The following MYH10 variants were observed in gnomAD, a reference collection of about 807,000 sequenced individuals.
The protein encoded by MYH10 is myosin heavy chain 10.
MYH10 carries 55 observed loss-of-function variants against 257.8 expected under a neutral mutation model. The ratio of observed to expected loss-of-function variants is 0.21; its 90% CI spans 0.17 to 0.27. The LOEUF (loss-of-function observed/expected upper bound fraction) is 0.27. MYH10 is among the 10% of genes least tolerant of loss of function. The probability of loss-of-function intolerance (pLI) is 1.00; values close to 1 mark genes in which losing one functional copy is unlikely to be tolerated. For synonymous variants in MYH10, 854 were observed against 921.7 expected (o/e 0.93, Z 1.33); for missense variants, 1,631 against 2,500.6 (o/e 0.65, Z 7.42).
At chr17:8,549,682 T>C (rs2082558050) in intron 9 of MYH10, among the ~76,000 whole-genome samples, 1 of 152,194 alleles carries the variant, frequency 6.6e-6, no homozygotes, top group South Asian at 2.1e-4. Flanking sequence ...ACTTTGATCA[T>C]TTTAAAGAAT....
chr17:8,559,574 G>C (rs1036155620), intron 7 of MYH10, among the ~76,000 whole-genome samples: 8 of 151,850 alleles, frequency 5.3e-5, no homozygotes, highest in African/African-American at 1.5e-4. Flanking sequence ...ACTATTTCAA[G>C]ACACAGAAAC....
At chr17:8,485,568 AAGAG>A (rs1381278905) in intron 36 of MYH10, among the ~76,000 whole-genome samples, 1 of 152,142 alleles carries the variant, frequency 6.6e-6, no homozygotes, top group Non-Finnish European at 1.5e-5. Context: ...CAATAATTAA[AAGAG>A]AGCTCAGCTG....
intron 34 of MYH10, among the ~76,000 whole-genome samples, chr17:8,491,028 G>A (rs1001093132): frequency 3.3e-5 from 5 of 152,326 alleles, no homozygotes; most frequent in Middle Eastern, 3.4e-3. Context: ...ACAGTACACA[G>A]GCCTTGATCT....
At chr17:8,595,959 A>C (rs1365072091) in intron 3 of MYH10, among the ~76,000 whole-genome samples, 2 of 152,152 alleles carry the variant, frequency 1.3e-5, no homozygotes, top group Non-Finnish European at 1.5e-5. Flanking sequence ...AAGTGACTTT[A>C]GACTATGCTT....
Position 8,487,594 on chromosome 17 carries a change from C to T in MYH10, c.4885G>A (p.Val1629Met). 2 of 1,614,200 alleles carry T rather than the reference C, an allele frequency of 1.2e-6. No individual in the cohort carries two copies. Among genetic ancestry groups the T allele is most frequent in the Non-Finnish European group, 1.7e-6 (2 of 1,180,050 alleles). Residue 1629 changes from valine (V) to methionine (M), a missense_variant and splice_region_variant, in exon 36 of 43, where the codon GTG (valine) becomes ATG (methionine). By Grantham distance (21) the Val-to-Met change is conservative (BLOSUM62 1). Coordinates refer to ENST00000360416, the MANE Select transcript of MYH10 (RefSeq NM_001256012.3). The part of the protein sequence containing the change: ...EEKKRLLIKQ[V>M]RELEAELEDE... The stretch of plus-strand genomic sequence containing the variant: ...TCCAGCTCCGCCTCGAGCTCCCGCA[C>T]CTAATGGACAACATCGGGTTATGCT...
Position 8,480,525 on chromosome 17 carries a change from C to T in MYH10, c.5265G>A (p.Lys1755=), listed in dbSNP as rs145272459. 6 of 1,606,652 alleles carry T rather than the reference C, an allele frequency of 3.7e-6. No homozygotes were observed. Among genetic ancestry groups the T allele is most frequent in the Non-Finnish European group, 5.1e-6 (6 of 1,179,806 alleles). The part of the protein sequence containing the change: ...ADEITNSASG[K]SALLDEKRRL... ...GCCGCTTCTCATCCAGCAGCGCGGA[C>T]CTGGCGGGGAGAGGAGGAGGGGACG... Residue 1755 remains lysine, a splice_region_variant and synonymous_variant, in exon 39 of 43, where the codon AAG becomes AAA. Coordinates refer to ENST00000360416, the MANE Select transcript of MYH10 (RefSeq NM_001256012.3).
In MYH10 at chr17:8,490,468, G is replaced by A. The variant is rs1035518723; in HGVS notation, c.4756C>T (p.Leu1586Phe). ...RTQLEELEDE[L>F]QATEDAKLRL... ...AGCTTGGCATCTTCCGTGGCCTGGAGTTCGTCTTCCAGCTCCTCCAGCTGG... is the reference window on the plus strand; with the variant it reads ...AGCTTGGCATCTTCCGTGGCCTGGAATTCGTCTTCCAGCTCCTCCAGCTGG... Residue 1586 changes from leucine (L) to phenylalanine (F), a missense_variant, in exon 35 of 43, where the codon CTC (leucine) becomes TTC (phenylalanine). Transcript: ENST00000360416. This position sits in a 1 kb window ranked among gnomAD's most constrained non-coding sequence, Gnocchi z 4.1. 2 of 1,614,098 alleles carry A rather than the reference G, an allele frequency of 1.2e-6. No homozygotes were observed. Among genetic ancestry groups the A allele is most frequent in the East Asian group, 2.2e-5 (1 of 44,900 alleles).
chr17:8,538,065 T>G (rs771370264), intron 14 of MYH10, among the ~76,000 whole-genome samples: 1 of 152,226 alleles, frequency 6.6e-6, no homozygotes, highest in Admixed American at 6.5e-5. Context: ...GCATTTTCCT[T>G]CTAGAAAGTA....
chr17:8,477,147 C>T lies in MYH10; in HGVS notation c.5707-99G>A, dbSNP rs1912806953. The T allele has an allele frequency of 1.4e-6, 2 of 1,403,086 alleles. No individual in the cohort carries two copies. The highest frequency in any genetic ancestry group is 2.0e-6 in the Non-Finnish European group (2 of 1,016,470). The allele number at this position is 1,403,086 out of a possible 1,614,324, so 86.9% of individuals were successfully genotyped here. On this transcript the variant is annotated intron_variant, in intron 41 of 42. Transcript: ENST00000360416. This position sits in a 1 kb window ranked among gnomAD's most constrained non-coding sequence, Gnocchi z 4.2. Reference sequence around the variant, plus strand: ...GGCAGTGTGGGGCTCTGCCTGTTACCCTTGTGAGCACGCGTGTACACGGAT... The same window carrying T: ...GGCAGTGTGGGGCTCTGCCTGTTACTCTTGTGAGCACGCGTGTACACGGAT...
At chr17:8,481,446 A>G in intron 37 of MYH10, 36 bp from the exon 38 acceptor site, 5 of 1,594,464 alleles carry the variant, frequency 3.1e-6, no homozygotes, top group Non-Finnish European at 4.3e-6. Context: ...TCTGGCTGTG[A>G]ATAGTTTCCT....
chr17:8,561,250 C>T, intron 7 of MYH10: 2 of 922,398 alleles, frequency 2.2e-6, no homozygotes. Context: ...AAAGAAGGAA[C>T]AAAGGTCGTG....
chr17:8,595,982 T>C (rs413561), intron 3 of MYH10, among the ~76,000 whole-genome samples: 147,708 of 152,248 alleles, frequency 0.97, 71,824 homozygotes, highest in Middle Eastern at 1. Flanking sequence ...TTTTTGTATG[T>C]ATTTGGCTGA....
intron 7 of MYH10, among the ~76,000 whole-genome samples, chr17:8,566,473 C>G (rs942600538): frequency 2.6e-5 from 4 of 152,116 alleles, no homozygotes; most frequent in African/African-American, 7.2e-5. Flanking sequence ...TCAAGGAGCC[C>G]TATGGAGAGG....
rs72841802 is a variant in MYH10, at chr17:8,478,334, G to A, written c.5706+4C>T. On this transcript the variant is annotated splice_donor_region_variant and intron_variant, in intron 41 of 42. Coordinates refer to ENST00000360416, the MANE Select transcript of MYH10 (RefSeq NM_001256012.3). ...GCTTCCCAGGGAGGCACTTCCTCGC[G>A]TACCTGCTCTTTATACTGGTCCGCG... is the stretch of plus-strand genomic sequence containing the variant. 8.0e-3 allele frequency: 12,876 copies of A among 1,613,134 alleles called. 60 individuals carry two copies. Among genetic ancestry groups the A allele is most frequent in the Non-Finnish European group, 9.8e-3 (11,596 of 1,179,288 alleles).
rs1913034090 is a variant in MYH10, at chr17:8,478,261, G to A, written c.5706+77C>T. On this transcript the variant is annotated intron_variant, in intron 41 of 42. Coordinates refer to ENST00000360416, the MANE Select transcript of MYH10 (RefSeq NM_001256012.3). ...AATCGGGAGGGCCCTGAATTCCACT[G>A]GTCAGTTGTGCCACCAGCTCATTCT... is the stretch of plus-strand genomic sequence containing the variant. The A allele has an allele frequency of 7.2e-6, 9 of 1,254,774 alleles. No homozygotes were observed. The South Asian group carries it at 9.6e-5, about 13-fold the overall frequency. The allele number at this position is 1,254,774 out of a possible 1,614,324, so 77.7% of individuals were successfully genotyped here.
chr17:8,561,604 A>G, intron 7 of MYH10: 1 of 761,612 alleles, frequency 1.3e-6, no homozygotes, highest in Non-Finnish European at 2.4e-6. Flanking sequence ...GACTGAAGAC[A>G]GACTATTCTC....
intron 17 of MYH10, among the ~76,000 whole-genome samples, chr17:8,525,942 G>T (rs546619343): frequency 2.0e-5 from 3 of 152,126 alleles, no homozygotes; most frequent in Non-Finnish European, 2.9e-5. Flanking sequence ...ATAGGTGCCT[G>T]CCACCATGCC....
Position 8,490,439 on chromosome 17 carries a change from A to G in MYH10, c.4785T>C (p.Arg1595=). The G allele has an allele frequency of 6.2e-7, 1 of 1,614,194 alleles. No homozygotes were observed. The highest frequency in any genetic ancestry group is 8.5e-7 in the Non-Finnish European group (1 of 1,180,032). The change falls in exon 35 of 43, where the codon CGT becomes CGC. Residue 1595 remains arginine (R), a synonymous_variant. Transcript: ENST00000360416. This position sits in a 1 kb window ranked among gnomAD's most constrained non-coding sequence, Gnocchi z 4.1. ...TCATGGCCTGCATGTTGACCTCCAG[A>G]CGAAGCTTGGCATCTTCCGTGGCCT... ...ELQATEDAKL[R]LEVNMQAMKA...
chr17:8,507,370 A>C lies in MYH10; in HGVS notation c.3215-881T>G, dbSNP rs140151819. Reference sequence around the variant, plus strand: ...CACCTGCCTGCAGGCGCCTGCACAGAGCTCCCTCCCCCTGGTGATGGTACC... The same window carrying C: ...CACCTGCCTGCAGGCGCCTGCACAGCGCTCCCTCCCCCTGGTGATGGTACC... On this transcript the variant is annotated intron_variant, in intron 26 of 42. Transcript: ENST00000360416. Among the ~76,000 whole-genome samples, 1,372 of 152,320 alleles carry C rather than the reference A, an allele frequency of 9.0e-3. 11 individuals carry two copies. The highest frequency in any genetic ancestry group is 0.014 in the Non-Finnish European group (922 of 68,024).
Sources: gnomAD v4.1 joint callset for allele counts (sites outside exome capture counted in the v4.1 genomes callset) on GRCh38, gnomAD v4.1.1 for gene constraint, Gnocchi (gnomAD v3.1) non-coding constraint, MANE v1.5 for transcripts, NCBI Gene and HGNC (gene_info 2026-07-23, HGNC 2026-07-21) for gene names.